KHDRBS2: variants seen among roughly 807,000 people sequenced by gnomAD.
KHDRBS2 encodes the protein KH RNA binding domain containing, signal transduction associated 2, also known as KH domain-containing, RNA-binding, signal transduction-associated protein 2.
KHDRBS2 carries 26 observed loss-of-function variants against 44.3 expected under a neutral mutation model. That is an observed-to-expected ratio of 0.59 (90% CI 0.43 to 0.81). The LOEUF is 0.81. Among genes scored for constraint, KHDRBS2 ranks in the 40% least tolerant of loss-of-function variants. The probability of loss-of-function intolerance (pLI) is 0.00; values close to 1 mark genes in which losing one functional copy is unlikely to be tolerated. For synonymous variants in KHDRBS2, 194 were observed against 151.1 expected (o/e 1.28, Z -2.08); for missense variants, 476 against 433.1 (o/e 1.10, Z -0.88).
At chr6:61,826,825 T>C (rs749542655) in intron 6 of KHDRBS2, among the ~76,000 whole-genome samples, 7 of 152,178 alleles carry the variant, frequency 4.6e-5, no homozygotes, top group African/African-American at 7.2e-5. Context: ...GGGAAGTTTT[T>C]TGAAAGCAGA....
chr6:61,896,206 A>G (rs1210379637), intron 5 of KHDRBS2, among the ~76,000 whole-genome samples: 3 of 152,172 alleles, frequency 2.0e-5, no homozygotes, highest in African/African-American at 7.2e-5. Context: ...CAAGATGAGC[A>G]TATGTCCAGG....
intron 2 of KHDRBS2, among the ~76,000 whole-genome samples, chr6:62,054,404 T>C (rs1405774742): frequency 1.3e-5 from 2 of 151,984 alleles, no homozygotes; most frequent in African/African-American, 2.4e-5. Context: ...TTGACAGAGG[T>C]AGTGTTACAG....
chr6:62,193,073 A>G (rs1256830206), intron 1 of KHDRBS2, among the ~76,000 whole-genome samples: 1 of 152,130 alleles, frequency 6.6e-6, no homozygotes, highest in Non-Finnish European at 1.5e-5. Flanking sequence ...AAATACTAAT[A>G]CTATCACAAT....
intron 3 of KHDRBS2, among the ~76,000 whole-genome samples, chr6:61,979,870 C>A (rs1773477725): frequency 6.6e-6 from 1 of 152,102 alleles, no homozygotes; most frequent in Non-Finnish European, 1.5e-5. Flanking sequence ...ATAATTAAAT[C>A]AGAGATTTCT....
At chr6:61,914,941 T>G (rs573186932) in intron 4 of KHDRBS2, among the ~76,000 whole-genome samples, 101 of 152,254 alleles carry the variant, frequency 6.6e-4, no homozygotes, top group African/African-American at 2.3e-3. Context: ...GATGTCCATG[T>G]GTGAAGTCAC....
the KHDRBS2 span, among the ~76,000 whole-genome samples, chr6:61,589,539 G>C: frequency 6.6e-6 from 1 of 152,096 alleles, no homozygotes; most frequent in Non-Finnish European, 1.5e-5. Flanking sequence ...AGTTTCTCAG[G>C]ATAATTTGAC....
At chr6:61,991,014 C>A (rs975767518) in intron 3 of KHDRBS2, among the ~76,000 whole-genome samples, 1 of 152,084 alleles carries the variant, frequency 6.6e-6, no homozygotes, top group African/African-American at 2.4e-5. Context: ...AGCCTGATAA[C>A]CCTTTTTTAG....
At chr6:62,165,725 G>C (rs1314472147) in intron 2 of KHDRBS2, among the ~76,000 whole-genome samples, 4 of 151,788 alleles carry the variant, frequency 2.6e-5, no homozygotes, top group Non-Finnish European at 5.9e-5. Flanking sequence ...TATTTTTAGA[G>C]ACAGGGTCTA....
At chr6:62,042,813 CT>C (rs571613328) in intron 3 of KHDRBS2, among the ~76,000 whole-genome samples, 42 of 152,252 alleles carry the variant, frequency 2.8e-4, no homozygotes, top group Admixed American at 2.1e-3. Flanking sequence ...CACATTATTA[CT>C]GCATCAAAGA....
At chr6:62,098,746 T>C (rs1315405828) in intron 2 of KHDRBS2, among the ~76,000 whole-genome samples, 1 of 152,186 alleles carries the variant, frequency 6.6e-6, no homozygotes, top group African/African-American at 2.4e-5. Context: ...CCTTTGACAT[T>C]CTCAAATCCC....
At chr6:61,720,423 A>G (rs1172834832) in intron 7 of KHDRBS2, among the ~76,000 whole-genome samples, 3 of 152,000 alleles carry the variant, frequency 2.0e-5, no homozygotes, top group South Asian at 4.1e-4. Context: ...ATTTCTCCAC[A>G]TCCTCTCCAG....
intron 6 of KHDRBS2, among the ~76,000 whole-genome samples, chr6:61,798,401 C>T (rs1422107292): frequency 6.6e-6 from 1 of 152,066 alleles, no homozygotes; most frequent in Non-Finnish European, 1.5e-5. Context: ...TATGAGACCA[C>T]ATTCTTTACC....
rs115972122 is a variant in KHDRBS2 at position 61,768,228 on chromosome 6, G to A, written c.811-35464C>T. 5.3e-3 allele frequency among the ~76,000 whole-genome samples: 802 copies of A among 152,192 alleles called. 2 individuals are homozygous for A. Among genetic ancestry groups the A allele is most frequent in the Non-Finnish European group, 9.0e-3 (612 of 67,992 alleles). On this transcript the variant is annotated intron_variant, in intron 6 of 8. Transcript: ENST00000281156. The stretch of plus-strand genomic sequence containing the variant: ...GGAAACCTTATGTCAAAAGCCAGAC[G>A]TATTGGAGATCCTTTGCATGTTGTG...
chr6:62,114,901 A>C (rs1409818520), intron 2 of KHDRBS2, among the ~76,000 whole-genome samples: 1 of 151,822 alleles, frequency 6.6e-6, no homozygotes, highest in Non-Finnish European at 1.5e-5. Flanking sequence ...TAAAAATGGA[A>C]AAAAACTCTC....
At chr6:61,901,200 G>T (rs779577906) in intron 5 of KHDRBS2, 44 bp downstream of exon 5, 3 of 1,591,018 alleles carry the variant, frequency 1.9e-6, no homozygotes, top group Admixed American at 1.8e-5. Flanking sequence ...GACAAAAAAG[G>T]CCTGCCATCA....
chr6:62,046,750 T>C (rs1174811592), intron 3 of KHDRBS2, among the ~76,000 whole-genome samples: 1 of 151,886 alleles, frequency 6.6e-6, no homozygotes, highest in African/African-American at 2.4e-5. Flanking sequence ...TTAAGTGTAG[T>C]CAGAGAATCT....
chr6:61,552,559 G>T, the KHDRBS2 span, among the ~76,000 whole-genome samples: 1 of 152,034 alleles, frequency 6.6e-6, no homozygotes, highest in Non-Finnish European at 1.5e-5. Flanking sequence ...GTGAAAATGG[G>T]CATCTTGTCT....
chr6:62,226,330 T>C (rs1831817139), intron 1 of KHDRBS2, among the ~76,000 whole-genome samples: 1 of 152,246 alleles, frequency 6.6e-6, no homozygotes, highest in Non-Finnish European at 1.5e-5. Context: ...GCCACATGAA[T>C]GTCTTCTTTT....
At chr6:61,913,373 G>T (rs1806399481) in intron 4 of KHDRBS2, among the ~76,000 whole-genome samples, 1 of 151,968 alleles carries the variant, frequency 6.6e-6, no homozygotes, top group South Asian at 2.1e-4. Context: ...ATACTGCTCA[G>T]CACTGGGGGC....
Sources: allele counts gnomAD v4.1 joint callset (sites outside exome capture counted in the v4.1 genomes callset), GRCh38; gene constraint gnomAD v4.1.1; transcripts MANE v1.5; gene names NCBI Gene and HGNC (gene_info 2026-07-23, HGNC 2026-07-21).